ELOVL6: variants seen among roughly 807,000 people sequenced by gnomAD.
The protein encoded by ELOVL6 is very long chain fatty acid elongase 6.
Under a neutral mutation model 31.7 loss-of-function variants are expected in ELOVL6, and 8 were observed. The observed-to-expected ratio is 0.25, with a 90% CI of 0.15 to 0.45. The LOEUF (loss-of-function observed/expected upper bound fraction) is 0.45, where lower values mean the gene tolerates loss of function less well. Ranked by LOEUF, ELOVL6 falls within the 20% of genes least tolerant of loss-of-function variation. The pLI, the probability that ELOVL6 is intolerant of heterozygous loss-of-function variation, is 1.00. For missense variants in ELOVL6, 126 were observed against 326.4 expected (o/e 0.39, Z 4.73); for synonymous variants, 101 against 117.7 (o/e 0.86, Z 0.92).
chr4:110,084,233 T>TAACATATAACTTATATGATATATAA (rs1756085528), intron 2 of ELOVL6, among the ~76,000 whole-genome samples: 1 of 109,078 alleles, frequency 9.2e-6, no homozygotes, highest in African/African-American at 5.0e-5. Context: ...ATGATATATA[T>TAACATATAACTTATATGATATATAA]AACATATATG....
chr4:110,140,539 G>A (rs948061005), intron 1 of ELOVL6, among the ~76,000 whole-genome samples: 3 of 151,914 alleles, frequency 2.0e-5, no homozygotes, highest in Admixed American at 6.6e-5. Flanking sequence ...GACTACAAGC[G>A]TCATGCCACC....
At chr4:110,067,957 G>T (rs1397854934) in intron 2 of ELOVL6, among the ~76,000 whole-genome samples, 3 of 152,098 alleles carry the variant, frequency 2.0e-5, no homozygotes, top group African/African-American at 7.2e-5. Context: ...TACCTTAAAA[G>T]TCTGAATGTT....
intron 1 of ELOVL6, among the ~76,000 whole-genome samples, chr4:110,140,242 G>GA: frequency 6.6e-6 from 1 of 152,274 alleles, no homozygotes; most frequent in Non-Finnish European, 1.5e-5. Flanking sequence ...AAAGCTAGGG[G>GA]AAGCCTGTGG....
chr4:110,128,982 A>G (rs1757590055), intron 1 of ELOVL6, among the ~76,000 whole-genome samples: 1 of 152,162 alleles, frequency 6.6e-6, no homozygotes, highest in South Asian at 2.1e-4. Context: ...TGGGTGCAAA[A>G]GTTATTGTGG....
Position 110,191,514 on chromosome 4 carries a change from C to T in ELOVL6, c.89+6733G>A, listed in dbSNP as rs542328361. On this transcript the variant is annotated intron_variant, in intron 1 of 3. Coordinates refer to ENST00000302274, the MANE Select transcript of ELOVL6 (RefSeq NM_024090.3). ...ATGTCTGGTTCCTATTAATAAAGGACAGTTTGGCTCACCTGTGTCCATATG... is the reference window on the plus strand; with the variant it reads ...ATGTCTGGTTCCTATTAATAAAGGATAGTTTGGCTCACCTGTGTCCATATG... Among the ~76,000 whole-genome samples, 8 of 152,274 alleles carry T rather than the reference C, an allele frequency of 5.3e-5. No individual in the cohort carries two copies. In the South Asian group the frequency reaches 1.7e-3, roughly 32 times the overall value.
rs539528989 is a variant in ELOVL6 at position 110,047,687 on chromosome 4, C to G, written c.*3651G>C. 84 of 152,268 alleles carry G rather than the reference C, an allele frequency of 5.5e-4. No homozygotes were observed. The highest frequency in any genetic ancestry group is 1.9e-3 in the African/African-American group (80 of 41,534). The allele number at this position is 152,268 out of a possible 1,614,324, so 9.4% of individuals were successfully genotyped here. A position where few individuals can be genotyped will look rare whatever the true frequency, so the allele number is the denominator to read the frequency against. ...GGTGGATCCCCTGAGGTCAGGAGCTCGAGACCAGCCTGGCCAACATGGTGA... is the reference window on the plus strand; with the variant it reads ...GGTGGATCCCCTGAGGTCAGGAGCTGGAGACCAGCCTGGCCAACATGGTGA... On this transcript the variant is annotated 3_prime_UTR_variant, in exon 4 of 4. Transcript: ENST00000302274.
chr4:110,157,050 A>T (rs1176411078), intron 1 of ELOVL6, among the ~76,000 whole-genome samples: 1 of 152,188 alleles, frequency 6.6e-6, no homozygotes, highest in Admixed American at 6.6e-5. Flanking sequence ...CATTTTTGGC[A>T]GATTTGAAAA....
intron 1 of ELOVL6, among the ~76,000 whole-genome samples, chr4:110,152,381 T>C (rs1472501594): frequency 6.6e-6 from 1 of 152,246 alleles, no homozygotes; most frequent in Non-Finnish European, 1.5e-5. Context: ...ATTGTCATCC[T>C]ATTAGAATTA....
chr4:110,059,849 A>G, intron 2 of ELOVL6, 95 bp from the exon 3 acceptor site: 1 of 1,011,872 alleles, frequency 9.9e-7, no homozygotes, highest in Non-Finnish European at 1.5e-6. Flanking sequence ...CACTGGCAGG[A>G]AATAGGCATA....
At chr4:110,097,159 A>G (rs2126242441) in intron 2 of ELOVL6, among the ~76,000 whole-genome samples, 1 of 152,130 alleles carries the variant, frequency 6.6e-6, no homozygotes, top group African/African-American at 2.4e-5. Context: ...TACAAAAATT[A>G]GCCAAGCGTG....
At chr4:110,169,367 T>C (rs1002757345) in intron 1 of ELOVL6, among the ~76,000 whole-genome samples, 3 of 151,946 alleles carry the variant, frequency 2.0e-5, no homozygotes, top group Non-Finnish European at 4.4e-5. Context: ...GCCTCCCTAG[T>C]AGCTGGGACT....
chr4:110,051,762 C>A lies in ELOVL6; in HGVS notation c.374G>T (p.Gly125Val). Residue 125 changes from glycine to valine, a missense_variant and splice_region_variant, in exon 4 of 4, where the codon GGA becomes GTA. Physicochemically the swap from Gly to Val is moderately radical, Grantham distance 109. Transcript: ENST00000302274. The surrounding 1 kb of genome is among the most constrained non-coding windows in gnomAD (Gnocchi z 4.8). ...CCTCAGAATAATGAATATTGTATCT[C>A]CTGGAAGACAAAGAGGAAGAAGGTA... ...AFVLSKAPEL[G>V]DTIFIILRKQ... 1 of 1,610,370 alleles carries A rather than the reference C, an allele frequency of 6.2e-7. No homozygotes were observed.
intron 1 of ELOVL6, among the ~76,000 whole-genome samples, chr4:110,122,848 T>A (rs2126254501): frequency 6.6e-6 from 1 of 152,354 alleles, no homozygotes; most frequent in Admixed American, 6.5e-5. Flanking sequence ...GTACGTTGAA[T>A]GCCCTTCCCA....
chr4:110,103,292 G>C (rs1756801294), intron 2 of ELOVL6, among the ~76,000 whole-genome samples: 1 of 151,614 alleles, frequency 6.6e-6, no homozygotes, highest in African/African-American at 2.4e-5. Context: ...CTGGTATCTT[G>C]TAATTAAAGA....
chr4:110,171,411 A>AAATAAATAAAT (rs1553962234), intron 1 of ELOVL6, among the ~76,000 whole-genome samples: 1 of 146,408 alleles, frequency 6.8e-6, no homozygotes, highest in African/African-American at 2.5e-5. Context: ...CTCCATCTCA[A>AAATAAATAAAT]AAATAAATAA....
intron 2 of ELOVL6, among the ~76,000 whole-genome samples, chr4:110,092,869 G>A: frequency 6.6e-6 from 1 of 152,120 alleles, no homozygotes; most frequent in East Asian, 1.9e-4. Flanking sequence ...GAGGATTTAT[G>A]AGATAACATG....
intron 2 of ELOVL6, among the ~76,000 whole-genome samples, chr4:110,083,950 T>C (rs376865801): frequency 0.23 from 1,764 of 7,714 alleles, 93 homozygotes; most frequent in South Asian, 0.31. Flanking sequence ...ATATAACATG[T>C]TATATATGAT....
At chr4:110,087,929 AT>A (rs1756316348) in intron 2 of ELOVL6, among the ~76,000 whole-genome samples, 1 of 152,090 alleles carries the variant, frequency 6.6e-6, no homozygotes, top group African/African-American at 2.4e-5. Context: ...ATTAGAGTCA[AT>A]TTGGCTCTGT....
chr4:110,192,747 C>T (rs1024289018), intron 1 of ELOVL6, among the ~76,000 whole-genome samples: 1 of 152,200 alleles, frequency 6.6e-6, no homozygotes, highest in Admixed American at 6.6e-5. Flanking sequence ...ACAGATTACA[C>T]GTTTTTTCTC....
Sources: allele counts gnomAD v4.1 joint callset (sites outside exome capture counted in the v4.1 genomes callset), GRCh38; gene constraint gnomAD v4.1.1; non-coding constraint Gnocchi (gnomAD v3.1); transcripts MANE v1.5; gene names NCBI Gene and HGNC (gene_info 2026-07-23, HGNC 2026-07-21).